MMS22L: variants seen among roughly 807,000 people sequenced by gnomAD.
MMS22L encodes the protein MMS22 like, DNA repair protein, also known as protein MMS22-like.
A neutral mutation model predicts 159.1 loss-of-function variants in MMS22L; 74 were observed. The observed-to-expected ratio is 0.47, with a 90% CI of 0.39 to 0.56. The LOEUF (loss-of-function observed/expected upper bound fraction) is 0.56. MMS22L is among the 20% of genes least tolerant of loss of function. The pLI, the probability that MMS22L is intolerant of heterozygous loss-of-function variation, is 0.00. For missense variants in MMS22L, 1,351 were observed against 1,422.1 expected (o/e 0.95, Z 0.80); for synonymous variants, 517 against 506.9 (o/e 1.02, Z -0.27).
Position 97,229,302 on chromosome 6 carries a change from A to ACCT in MMS22L, c.1628_1630dup (p.Glu543dup), listed in dbSNP as rs755796661. 2 of 1,614,144 alleles carry ACCT rather than the reference A, an allele frequency of 1.2e-6. No individual in the cohort carries two copies. The highest frequency in any genetic ancestry group is 2.2e-5 in the South Asian group (2 of 91,082). On this transcript the variant is annotated inframe_insertion, in exon 14 of 25. Transcript: ENST00000683635. ...TAAAACATGACTTGCAACATCTTCT[A>ACCT]CCTCTGCAACAGCTGCTAACAGTAG...
chr6:97,252,753 A>T (rs1813378569), intron 10 of MMS22L, among the ~76,000 whole-genome samples: 1 of 152,166 alleles, frequency 6.6e-6, no homozygotes, highest in Non-Finnish European at 1.5e-5. Context: ...ACTAATTGCC[A>T]TACTTACTTA....
Position 97,276,598 on chromosome 6 carries a change from T to C in MMS22L, c.340+2251A>G, listed in dbSNP as rs17057604. 7.2e-3 allele frequency among the ~76,000 whole-genome samples: 1,101 copies of C among 152,334 alleles called. 16 individuals carry two copies. The highest frequency in any genetic ancestry group is 0.024 in the African/African-American group (997 of 41,570). ...ACTCACACACATTCTGATCCAACCA[T>C]ATGTAATTAATATTTAATCCATGCT... On this transcript the variant is annotated intron_variant, in intron 4 of 24. Transcript: ENST00000683635.
chr6:97,181,760 TGATATATCTGAAA>T, intron 16 of MMS22L, 131 bp downstream of exon 16: 1 of 713,064 alleles, frequency 1.4e-6, no homozygotes, highest in Non-Finnish European at 2.1e-6. Context: ...GTCGAAAGGC[TGATATATCTGAAA>T]GCAAAAACCT....
chr6:97,195,498 A>C (rs1316001639), intron 14 of MMS22L, among the ~76,000 whole-genome samples: 3 of 152,166 alleles, frequency 2.0e-5, no homozygotes, highest in African/African-American at 2.4e-5. Flanking sequence ...TATAATAGAG[A>C]ATTTTTATAG....
In MMS22L at chr6:97,200,973, C is replaced by T. The variant is rs561415257; in HGVS notation, c.2040-14283G>A. Among the ~76,000 whole-genome samples, 3 of 152,076 alleles carry T rather than the reference C, an allele frequency of 2.0e-5. No individual in the cohort carries two copies. The South Asian group carries it at 6.2e-4, about 32-fold the overall frequency. On this transcript the variant is annotated intron_variant, in intron 14 of 24. Transcript: ENST00000683635. ...TTGTAACTGCCAGTAGAAATTAACC[C>T]CTGAAAGTTACTCTTATGGGAATAA...
intron 3 of MMS22L, 48 bp from the exon 4 acceptor site, chr6:97,278,946 G>T: frequency 1.3e-6 from 2 of 1,511,130 alleles, no homozygotes; most frequent in Non-Finnish European, 1.8e-6. Flanking sequence ...ACACTTTAAA[G>T]CATGTAACAA....
chr6:97,173,932 A>T (rs1803832521), intron 18 of MMS22L, among the ~76,000 whole-genome samples: 1 of 152,136 alleles, frequency 6.6e-6, no homozygotes, highest in African/African-American at 2.4e-5. Context: ...AATCAAGAGA[A>T]GACTGGCTAA....
chr6:97,267,774 T>C (rs1815292345), intron 8 of MMS22L, 98 bp downstream of exon 8: 2 of 1,091,938 alleles, frequency 1.8e-6, no homozygotes, highest in African/African-American at 3.3e-5. Flanking sequence ...TTAGAACATA[T>C]AAAGCATTTT....
chr6:97,221,901 ATTTG>A (rs1179146220), intron 14 of MMS22L, among the ~76,000 whole-genome samples: 1 of 152,094 alleles, frequency 6.6e-6, no homozygotes, highest in African/African-American at 2.4e-5. Flanking sequence ...CCAGTTTCAA[ATTTG>A]TTTGTTGTAA....
At chr6:97,214,599 C>T (rs1274783173) in intron 14 of MMS22L, among the ~76,000 whole-genome samples, 1 of 151,068 alleles carries the variant, frequency 6.6e-6, no homozygotes, top group Non-Finnish European at 1.5e-5. Context: ...TAATAGCAGC[C>T]TAATATTGAT....
chr6:97,272,601 G>C, intron 6 of MMS22L, 103 bp downstream of exon 6: 1 of 1,046,860 alleles, frequency 9.6e-7, no homozygotes, highest in Non-Finnish European at 1.4e-6. Context: ...AGGCAGTCAG[G>C]TTCCAGAGCT....
chr6:97,263,519 A>G, intron 8 of MMS22L, 71 bp from the exon 9 acceptor site: 2 of 670,808 alleles, frequency 3.0e-6, no homozygotes, highest in Non-Finnish European at 2.4e-6. Context: ...TATCTTTCAA[A>G]TACTTTTAAA....
intron 9 of MMS22L, among the ~76,000 whole-genome samples, chr6:97,257,045 T>C (rs1447927238): frequency 6.6e-6 from 1 of 152,244 alleles, no homozygotes; most frequent in Non-Finnish European, 1.5e-5. Flanking sequence ...TGTGATGTTA[T>C]CTGGGTGTGT....
At chr6:97,265,619 G>T (rs1815014485) in intron 8 of MMS22L, 1 of 152,036 alleles carries the variant, frequency 6.6e-6, no homozygotes, top group Non-Finnish European at 1.5e-5. Flanking sequence ...CTGATAAGGG[G>T]TTAGTATTTT....
chr6:97,173,484 T>A (rs1803775588), intron 18 of MMS22L, among the ~76,000 whole-genome samples: 1 of 152,054 alleles, frequency 6.6e-6, no homozygotes, highest in African/African-American at 2.4e-5. Flanking sequence ...AGGGCCGACT[T>A]AGCAAAATAT....
intron 12 of MMS22L, among the ~76,000 whole-genome samples, chr6:97,233,273 C>T (rs1811061453): frequency 6.6e-6 from 1 of 152,020 alleles, no homozygotes; most frequent in Admixed American, 6.6e-5. Flanking sequence ...AGGAACAGAC[C>T]ATGCTTTTTC....
At chr6:97,245,684 TG>T (rs564939724) in intron 11 of MMS22L, among the ~76,000 whole-genome samples, 162 of 152,284 alleles carry the variant, frequency 1.1e-3, no homozygotes, top group Non-Finnish European at 1.8e-3. Context: ...AATTTATGTA[TG>T]CAGAATTCTT....
At chr6:97,272,529 G>A in intron 6 of MMS22L, 175 bp downstream of exon 6, 1 of 565,380 alleles carries the variant, frequency 1.8e-6, no homozygotes, top group South Asian at 2.4e-5. Flanking sequence ...GGAGGCTGAG[G>A]TGTCATTTGC....
intron 14 of MMS22L, among the ~76,000 whole-genome samples, chr6:97,213,223 A>G (rs905800938): frequency 6.6e-6 from 1 of 152,152 alleles, no homozygotes; most frequent in African/African-American, 2.4e-5. Context: ...CCTGACCAAC[A>G]TGGAAAAACC....
Sources: gnomAD v4.1 joint callset for allele counts (sites outside exome capture counted in the v4.1 genomes callset) on GRCh38, gnomAD v4.1.1 for gene constraint, MANE v1.5 for transcripts, NCBI Gene and HGNC (gene_info 2026-07-23, HGNC 2026-07-21) for gene names.